The following MYO16 variants were observed in gnomAD, a reference collection of about 807,000 sequenced individuals.
MYO16 encodes the protein myosin XVI.
MYO16 carries 94 observed loss-of-function variants against 205.3 expected under a neutral mutation model. That is an observed-to-expected ratio of 0.46 (90% CI 0.39 to 0.54). The LOEUF (loss-of-function observed/expected upper bound fraction) is 0.54, where lower values mean the gene tolerates loss of function less well. MYO16 is among the 20% of genes least tolerant of loss of function. The pLI is 0.00. For synonymous variants in MYO16, 988 were observed against 954.0 expected, an observed-to-expected ratio of 1.04 and a Z score of -0.66; for missense variants, 2,315 against 2,387.5, an observed-to-expected ratio of 0.97 and a Z score of 0.63.
intron 16 of MYO16, among the ~76,000 whole-genome samples, chr13:108,929,201 C>A (rs1335689466): frequency 2.6e-5 from 4 of 152,156 alleles, no homozygotes; most frequent in African/African-American, 9.7e-5. Context: ...AGTTCCTAAA[C>A]ATGAACTTTT....
At chr13:108,803,473 C>T (rs1301850881) in intron 6 of MYO16, among the ~76,000 whole-genome samples, 1 of 152,126 alleles carries the variant, frequency 6.6e-6, no homozygotes, top group Non-Finnish European at 1.5e-5. Context: ...GACTGAGATG[C>T]TATAATATGA....
At chr13:108,728,371 T>A (rs117875984) in intron 4 of MYO16, among the ~76,000 whole-genome samples, 5 of 152,288 alleles carry the variant, frequency 3.3e-5, no homozygotes, top group Non-Finnish European at 5.9e-5. Flanking sequence ...TCAAGTTCAT[T>A]GTCAGAAGTC....
At chr13:109,174,786 C>T (rs1303240385) in intron 33 of MYO16, among the ~76,000 whole-genome samples, 3 of 122,966 alleles carry the variant, frequency 2.4e-5, no homozygotes, top group Non-Finnish European at 3.2e-5. Context: ...GAGTCTTGCT[C>T]TGTCGCCCAG....
intron 11 of MYO16, among the ~76,000 whole-genome samples, chr13:108,862,403 G>A (rs1424466012): frequency 6.6e-6 from 1 of 152,070 alleles, no homozygotes; most frequent in Non-Finnish European, 1.5e-5. Flanking sequence ...TTGGGATTAT[G>A]GCCCAAACCC....
At chr13:108,653,565 G>T (rs1401673114) in intron 1 of MYO16, among the ~76,000 whole-genome samples, 1 of 151,836 alleles carries the variant, frequency 6.6e-6, no homozygotes, top group Non-Finnish European at 1.5e-5. Flanking sequence ...TGTATATAAT[G>T]TAAAATAAGT....
intron 2 of MYO16, among the ~76,000 whole-genome samples, chr13:108,701,295 C>T (rs1239168272): frequency 6.6e-6 from 1 of 152,086 alleles, no homozygotes; most frequent in African/African-American, 2.4e-5. Flanking sequence ...CCCCTGCAAA[C>T]TCATGTTAAA....
intron 20 of MYO16, among the ~76,000 whole-genome samples, chr13:108,972,357 T>TAA (rs1884075307): frequency 8.4e-5 from 2 of 23,796 alleles, no homozygotes; most frequent in East Asian, 1.0e-3. Flanking sequence ...TAGCCATATA[T>TAA]ATATATATAT....
intron 4 of MYO16, among the ~76,000 whole-genome samples, chr13:108,781,883 TAAG>T (rs746505970): frequency 1.3e-5 from 2 of 152,186 alleles, no homozygotes; most frequent in Non-Finnish European, 2.9e-5. Context: ...CACTGCCATG[TAAG>T]AAGAGCCTTT....
At chr13:109,077,711 A>G (rs573231277) in intron 27 of MYO16, among the ~76,000 whole-genome samples, 2 of 152,234 alleles carry the variant, frequency 1.3e-5, no homozygotes, top group South Asian at 2.1e-4. Flanking sequence ...CTTTATTTCC[A>G]TATGCTTTTA....
chr13:109,205,834 C>G (rs1323652425), intron 34 of MYO16, among the ~76,000 whole-genome samples: 5 of 152,104 alleles, frequency 3.3e-5, no homozygotes, highest in Non-Finnish European at 7.3e-5. Context: ...CTGCAAAGGC[C>G]CATAATGTTC....
intron 16 of MYO16, among the ~76,000 whole-genome samples, chr13:108,932,840 A>C (rs1409913034): frequency 1.3e-5 from 2 of 152,118 alleles, no homozygotes; most frequent in African/African-American, 4.8e-5. Context: ...AAATAAGCCA[A>C]AGTTCCCACA....
chr13:108,831,505 A>G (rs1876620377), intron 9 of MYO16, among the ~76,000 whole-genome samples: 1 of 152,142 alleles, frequency 6.6e-6, no homozygotes. Flanking sequence ...TTGCAACCAA[A>G]AAATGAAAGT....
intron 21 of MYO16, among the ~76,000 whole-genome samples, chr13:108,996,940 C>T (rs1316628258): frequency 1.3e-5 from 2 of 152,100 alleles, no homozygotes; most frequent in African/African-American, 2.4e-5. Context: ...CACATACATG[C>T]AAAGGCATGT....
intron 2 of MYO16, among the ~76,000 whole-genome samples, chr13:108,704,052 G>T (rs1167082690): frequency 6.6e-6 from 1 of 152,168 alleles, no homozygotes; most frequent in African/African-American, 2.4e-5. Flanking sequence ...CCATCCACAA[G>T]CCAAGAAGAG....
At chr13:108,697,809 G>T (rs1185462596) in intron 2 of MYO16, among the ~76,000 whole-genome samples, 1 of 151,946 alleles carries the variant, frequency 6.6e-6, no homozygotes, top group African/African-American at 2.4e-5. Context: ...TGCAACCTCT[G>T]CCTCCAGGGT....
rs189695142 is a variant in MYO16, at chr13:108,834,214, G to C, written c.1098-10129G>C. On this transcript the variant is annotated intron_variant, in intron 9 of 34. Transcript: ENST00000457511. ...TTTCTAAGTGCTGGGGTGAGCTAGG[G>C]GGAAAGTACGTAGCACTTTAGGAGG... is the stretch of plus-strand genomic sequence containing the variant. Among the ~76,000 whole-genome samples the C allele has an allele frequency of 1.1e-4, 16 of 152,238 alleles. No individual in the cohort carries two copies. In the East Asian group the frequency reaches 1.9e-3, roughly 18 times the overall value.
chr13:108,864,053 A>G (rs562505567), intron 11 of MYO16, among the ~76,000 whole-genome samples: 4 of 152,142 alleles, frequency 2.6e-5, no homozygotes, highest in East Asian at 3.9e-4. Context: ...TAGTTGGTGC[A>G]TTTCCTCTTG....
chr13:108,626,550 G>A (rs941381533), upstream of MYO16, among the ~76,000 whole-genome samples: 12 of 152,238 alleles, frequency 7.9e-5, no homozygotes, highest in African/African-American at 2.9e-4. Flanking sequence ...GCTCATGCCT[G>A]TAATCCCAGC....
rs1053269413 is a variant in MYO16 at position 108,997,132 on chromosome 13, A to C, written c.2442+4684A>C. Among the ~76,000 whole-genome samples, 4 of 151,804 alleles carry C rather than the reference A, an allele frequency of 2.6e-5. No homozygotes were observed. The South Asian group carries it at 8.3e-4, about 32-fold the overall frequency. On this transcript the variant is annotated intron_variant, in intron 21 of 34. Transcript: ENST00000457511. ...ATGGTGAAACCCTGTCTCCACTAAAAATACAAAAATTACCCACACATGGTG... is the reference window on the plus strand; with the variant it reads ...ATGGTGAAACCCTGTCTCCACTAAACATACAAAAATTACCCACACATGGTG...
Sources: gnomAD v4.1 joint callset for allele counts (sites outside exome capture counted in the v4.1 genomes callset) on GRCh38, gnomAD v4.1.1 for gene constraint, MANE v1.5 for transcripts, NCBI Gene and HGNC (gene_info 2026-07-23, HGNC 2026-07-21) for gene names.